LRP1B: variants seen among roughly 807,000 people sequenced by gnomAD.
The protein encoded by LRP1B is low-density lipoprotein receptor-related protein 1B.
LRP1B carries 217 observed loss-of-function variants against 556.6 expected under a neutral mutation model. The ratio of observed to expected loss-of-function variants is 0.39; its 90% CI spans 0.35 to 0.44. LRP1B has a LOEUF of 0.44. Among genes scored for constraint, LRP1B ranks in the 20% least tolerant of loss-of-function variants. LRP1B has a pLI of 1.00. For missense variants in LRP1B, 5,053 were observed against 5,620.8 expected (o/e 0.90, Z 3.23); for synonymous variants, 2,047 against 1,865.8 (o/e 1.10, Z -2.50).
At chr2:141,646,014 C>T (rs1574188428) in intron 2 of LRP1B, among the ~76,000 whole-genome samples, 1 of 152,186 alleles carries the variant, frequency 6.6e-6, no homozygotes, top group Admixed American at 6.5e-5. Context: ...AAACTTTCTG[C>T]CAGCATTCTA....
intron 35 of LRP1B, among the ~76,000 whole-genome samples, chr2:140,754,233 G>A (rs1251032188): frequency 1.3e-5 from 2 of 152,106 alleles, no homozygotes; most frequent in African/African-American, 2.4e-5. Flanking sequence ...TTTTACGAGT[G>A]CAGCAAACTA....
chr2:141,283,121 T>G (rs1685569560), intron 3 of LRP1B, among the ~76,000 whole-genome samples: 1 of 152,138 alleles, frequency 6.6e-6, no homozygotes, highest in Admixed American at 6.6e-5. Flanking sequence ...AATGGCATTT[T>G]CAGACTTAAG....
chr2:142,120,258 C>A (rs561767857), intron 1 of LRP1B, among the ~76,000 whole-genome samples: 75 of 152,198 alleles, frequency 4.9e-4, no homozygotes, highest in African/African-American at 1.7e-3. Flanking sequence ...ACTACAGGCA[C>A]ATGCAACTAT....
chr2:140,430,897 C>T (rs1187732301), intron 66 of LRP1B, among the ~76,000 whole-genome samples: 1 of 152,154 alleles, frequency 6.6e-6, no homozygotes, highest in Non-Finnish European at 1.5e-5. Flanking sequence ...CGGGGATTTG[C>T]CCCTGCCCAG....
chr2:141,847,793 CTA>C (rs1275397259), intron 1 of LRP1B, among the ~76,000 whole-genome samples: 3 of 151,554 alleles, frequency 2.0e-5, no homozygotes, highest in African/African-American at 7.2e-5. Flanking sequence ...AAATTTCCAC[CTA>C]TGTGTGAAGG....
chr2:141,941,674 TG>T (rs1700806930), intron 1 of LRP1B, among the ~76,000 whole-genome samples: 1 of 152,156 alleles, frequency 6.6e-6, no homozygotes, highest in Admixed American at 6.6e-5. Flanking sequence ...AGTGGGAAGC[TG>T]GCACAAAAGG....
At chr2:141,665,957 G>T (rs1253306210) in intron 2 of LRP1B, among the ~76,000 whole-genome samples, 1 of 152,092 alleles carries the variant, frequency 6.6e-6, no homozygotes, top group Non-Finnish European at 1.5e-5. Context: ...ATGGGGGCCT[G>T]TTGGGGGCAG....
chr2:140,854,859 T>C (rs1692566653), intron 27 of LRP1B, among the ~76,000 whole-genome samples: 1 of 152,316 alleles, frequency 6.6e-6, no homozygotes. Context: ...TCCAGTATGA[T>C]TACAGAGGCT....
intron 3 of LRP1B, among the ~76,000 whole-genome samples, chr2:141,397,816 C>T (rs1305268015): frequency 6.7e-6 from 1 of 150,328 alleles, no homozygotes; most frequent in Non-Finnish European, 1.5e-5. Flanking sequence ...ATTATATATA[C>T]ATATATATTT....
intron 3 of LRP1B, among the ~76,000 whole-genome samples, chr2:141,261,787 C>A (rs1430047078): frequency 6.6e-6 from 1 of 152,058 alleles, no homozygotes; most frequent in East Asian, 1.9e-4. Context: ...TCATTCATTT[C>A]ACAAGTAACA....
In LRP1B at chr2:141,617,552, C is replaced by T. The variant is rs1176220709; in HGVS notation, c.206-137019G>A. 2.0e-5 allele frequency among the ~76,000 whole-genome samples: 3 copies of T among 152,052 alleles called. No individual in the cohort carries two copies. The South Asian group carries it at 6.2e-4, about 31-fold the overall frequency. ...ATTTCTCATATCTATCAATGCTTTC[C>T]TTACTTAGCCAATATTTTCTTAGTC... On this transcript the variant is annotated intron_variant, in intron 2 of 90. Coordinates refer to ENST00000389484, the MANE Select transcript of LRP1B (RefSeq NM_018557.3).
intron 67 of LRP1B, among the ~76,000 whole-genome samples, chr2:140,380,424 G>A (rs1683421657): frequency 6.6e-6 from 1 of 152,128 alleles, no homozygotes; most frequent in Non-Finnish European, 1.5e-5. Flanking sequence ...CTCATTTGCT[G>A]TTATCACCAT....
At chr2:141,803,356 C>T (rs933155643) in intron 2 of LRP1B, among the ~76,000 whole-genome samples, 3 of 151,690 alleles carry the variant, frequency 2.0e-5, no homozygotes, top group African/African-American at 7.3e-5. Context: ...TTTCAATTCA[C>T]AATTACACTG....
chr2:141,408,105 T>C (rs1019970840), intron 3 of LRP1B, among the ~76,000 whole-genome samples: 1 of 151,906 alleles, frequency 6.6e-6, no homozygotes, highest in Non-Finnish European at 1.5e-5. Context: ...ACCTAGGTCA[T>C]ATGCTTTTAA....
intron 3 of LRP1B, among the ~76,000 whole-genome samples, chr2:141,380,549 C>A (rs891988124): frequency 2.0e-5 from 3 of 152,168 alleles, no homozygotes; most frequent in African/African-American, 4.8e-5. Flanking sequence ...GCTTTTGTAA[C>A]AGCTGTTCTG....
chr2:140,959,478 T>C (rs1043639789), intron 18 of LRP1B, among the ~76,000 whole-genome samples: 3 of 151,686 alleles, frequency 2.0e-5, no homozygotes, highest in African/African-American at 7.2e-5. Context: ...AAATAATTAC[T>C]ACTAAAATGA....
At chr2:141,635,780 G>C (rs1689091383) in intron 2 of LRP1B, among the ~76,000 whole-genome samples, 1 of 152,176 alleles carries the variant, frequency 6.6e-6, no homozygotes, top group Non-Finnish European at 1.5e-5. Context: ...AGTTAGTGAA[G>C]ATAAACAATA....
chr2:141,562,052 C>G (rs1019989135), intron 2 of LRP1B, among the ~76,000 whole-genome samples: 1 of 151,840 alleles, frequency 6.6e-6, no homozygotes, highest in Non-Finnish European at 1.5e-5. Context: ...ACAAAGCTCC[C>G]AGCCTCCAGG....
At chr2:141,215,857 A>G (rs1682782861) in intron 6 of LRP1B, among the ~76,000 whole-genome samples, 1 of 152,206 alleles carries the variant, frequency 6.6e-6, no homozygotes, top group Non-Finnish European at 1.5e-5. Flanking sequence ...ATTTGTATTT[A>G]AACAGGAAGC....
Sources: gnomAD v4.1 joint callset for allele counts (sites outside exome capture counted in the v4.1 genomes callset) on GRCh38, gnomAD v4.1.1 for gene constraint, MANE v1.5 for transcripts, NCBI Gene and HGNC (gene_info 2026-07-23, HGNC 2026-07-21) for gene names.